Variants in SORCS2 observed in about 807,000 individuals in gnomAD.
The protein encoded by SORCS2 is VPS10 domain-containing receptor SorCS2.
Under a neutral mutation model 141.6 loss-of-function variants are expected in SORCS2, and 100 were observed. The ratio of observed to expected loss-of-function variants is 0.71; its 90% confidence interval spans 0.60 to 0.83. The LOEUF is 0.83. Ranked by LOEUF, SORCS2 falls within the 40% of genes least tolerant of loss-of-function variation. The pLI, the probability that SORCS2 is intolerant of heterozygous loss-of-function variation, is 0.00. For missense variants in SORCS2, 1,646 were observed against 1,560.2 expected (o/e 1.05, Z -0.93); for synonymous variants, 789 against 676.9 (o/e 1.17, Z -2.57).
intron 1 of SORCS2, among the ~76,000 whole-genome samples, chr4:7,273,207 C>T (rs1188245951): frequency 2.6e-5 from 4 of 152,184 alleles, no homozygotes; most frequent in African/African-American, 9.7e-5. Flanking sequence ...AAATGCATAT[C>T]AAGGAAAATG....
intron 3 of SORCS2, among the ~76,000 whole-genome samples, chr4:7,605,580 G>A (rs1484152201): frequency 6.6e-6 from 1 of 152,142 alleles, no homozygotes; most frequent in Non-Finnish European, 1.5e-5. Context: ...CTGAAGGTGT[G>A]TTTAATCCAG....
intron 1 of SORCS2, among the ~76,000 whole-genome samples, chr4:7,305,105 C>T (rs1465231746): frequency 6.6e-6 from 1 of 150,888 alleles, no homozygotes; most frequent in African/African-American, 2.4e-5. Context: ...GATCTCAGCT[C>T]ACTGCAAGCT....
At chr4:7,574,412 T>G (rs539404404) in intron 3 of SORCS2, among the ~76,000 whole-genome samples, 4 of 152,340 alleles carry the variant, frequency 2.6e-5, no homozygotes, top group African/African-American at 9.6e-5. Context: ...CAGCCATGTC[T>G]TAGAGAGTGA....
At chr4:7,506,114 C>G (rs138716016) in intron 2 of SORCS2, among the ~76,000 whole-genome samples, 2 of 152,080 alleles carry the variant, frequency 1.3e-5, no homozygotes, top group Non-Finnish European at 2.9e-5. Flanking sequence ...TCAAGGTGAT[C>G]CCAGTGGTAG....
At chr4:7,612,804 G>A (rs1718500728) in intron 3 of SORCS2, among the ~76,000 whole-genome samples, 1 of 152,260 alleles carries the variant, frequency 6.6e-6, no homozygotes, top group African/African-American at 2.4e-5. Flanking sequence ...GGGAGAGAAT[G>A]AACGTTAGGC....
At chr4:7,632,869 G>GGGGCAGA (rs1433256326) in intron 3 of SORCS2, among the ~76,000 whole-genome samples, 5 of 152,020 alleles carry the variant, frequency 3.3e-5, no homozygotes, top group Admixed American at 3.3e-4. Context: ...GATGCTGGAG[G>GGGGCAGA]GGGCAGAGGA....
chr4:7,686,344 G>A (rs576393852), intron 10 of SORCS2, among the ~76,000 whole-genome samples: 227 of 152,256 alleles, frequency 1.5e-3, no homozygotes, highest in Middle Eastern at 3.4e-3. Flanking sequence ...AGGCGTCCAG[G>A]TGGCTGGTGC....
At chr4:7,559,463 A>AC (rs1447570630) in intron 3 of SORCS2, among the ~76,000 whole-genome samples, 5 of 151,882 alleles carry the variant, frequency 3.3e-5, no homozygotes, top group Admixed American at 3.3e-4. Context: ...GTGGAGGCCG[A>AC]CCCCGTTGGT....
rs114346268 is a variant in SORCS2, at chr4:7,442,995, C to T, written c.548+46640C>T. ...TCTTCCCCGGGCCGGGGTTTGCAGC[C>T]GCCTTGCTCTAGCCTCTGCCTCTGT... is the stretch of plus-strand genomic sequence containing the variant. On this transcript the variant is annotated intron_variant, in intron 2 of 26. Coordinates refer to ENST00000507866, the MANE Select transcript of SORCS2 (RefSeq NM_020777.3). Among the ~76,000 whole-genome samples the T allele has an allele frequency of 8.7e-3, 1,320 of 152,284 alleles. 9 individuals carry two copies. The highest frequency in any genetic ancestry group is 0.016 in the Admixed American group (240 of 15,300).
intron 1 of SORCS2, among the ~76,000 whole-genome samples, chr4:7,268,682 C>T (rs1714911638): frequency 2.0e-5 from 3 of 152,166 alleles, no homozygotes; most frequent in African/African-American, 7.2e-5. Context: ...AGGGAGTGCC[C>T]AGGGTGGAGG....
chr4:7,200,830 G>T (rs1727445903), intron 1 of SORCS2, among the ~76,000 whole-genome samples: 1 of 152,162 alleles, frequency 6.6e-6, no homozygotes, highest in African/African-American at 2.4e-5. Context: ...CATGGATGGG[G>T]GCCTGGCCAG....
chr4:7,342,877 G>A (rs1412928153), intron 1 of SORCS2, among the ~76,000 whole-genome samples: 3 of 152,194 alleles, frequency 2.0e-5, no homozygotes, highest in Non-Finnish European at 4.4e-5. Context: ...AGTTGCCAAG[G>A]TGGAAGGAAG....
At chr4:7,406,870 G>A (rs980367416) in intron 2 of SORCS2, among the ~76,000 whole-genome samples, 2 of 151,812 alleles carry the variant, frequency 1.3e-5, no homozygotes, top group African/African-American at 4.8e-5. Context: ...ATAGATTTGG[G>A]TGTGTTGTGT....
intron 1 of SORCS2, among the ~76,000 whole-genome samples, chr4:7,194,654 TGC>T (rs1727061095): frequency 6.6e-6 from 1 of 151,514 alleles, no homozygotes; most frequent in Non-Finnish European, 1.5e-5. Flanking sequence ...AGGTGGCAGG[TGC>T]CACCTCCCTA....
chr4:7,385,619 C>T (rs1723246401), intron 1 of SORCS2, among the ~76,000 whole-genome samples: 1 of 152,184 alleles, frequency 6.6e-6, no homozygotes, highest in Non-Finnish European at 1.5e-5. Context: ...TGACGCCCTG[C>T]CCCACATTGG....
intron 3 of SORCS2, among the ~76,000 whole-genome samples, chr4:7,602,536 C>G (rs1717782873): frequency 1.3e-5 from 2 of 150,504 alleles, no homozygotes; most frequent in Non-Finnish European, 1.5e-5. Context: ...GGCAGAGACG[C>G]TCCTCACTTC....
chr4:7,597,108 A>G (rs952076226), intron 3 of SORCS2, among the ~76,000 whole-genome samples: 1 of 151,972 alleles, frequency 6.6e-6, no homozygotes, highest in African/African-American at 2.4e-5. Context: ...AGACTGTTGA[A>G]ATAAGGGAGG....
At chr4:7,635,968 C>T (rs569843921) in intron 3 of SORCS2, among the ~76,000 whole-genome samples, 1 of 152,318 alleles carries the variant, frequency 6.6e-6, no homozygotes, top group South Asian at 2.1e-4. Context: ...TAAACGCAGG[C>T]ACTCCTTGCA....
At chr4:7,621,090 G>T (rs2108828304) in intron 3 of SORCS2, among the ~76,000 whole-genome samples, 1 of 152,272 alleles carries the variant, frequency 6.6e-6, no homozygotes, top group East Asian at 1.9e-4. Flanking sequence ...GGCTCCCAGG[G>T]CCTCTTGACC....
Sources: allele counts gnomAD v4.1 joint callset (sites outside exome capture counted in the v4.1 genomes callset), GRCh38; gene constraint gnomAD v4.1.1; transcripts MANE v1.5; gene names NCBI Gene and HGNC (gene_info 2026-07-23, HGNC 2026-07-21).